Variants in PRSS23 observed in about 807,000 individuals in gnomAD.
The protein encoded by PRSS23 is serine protease 23, also known as protease, serine 23.
In PRSS23, 25 loss-of-function variants were observed where a neutral mutation model predicts 34.7. The ratio of observed to expected loss-of-function variants is 0.72; its 90% CI spans 0.53 to 1.01. The LOEUF (loss-of-function observed/expected upper bound fraction) is 1.01. Ranked by LOEUF, PRSS23 falls within the 50% of genes least tolerant of loss-of-function variation. PRSS23 has a pLI of 0.00. For missense variants in PRSS23, 445 were observed against 475.6 expected (o/e 0.94, Z 0.60); for synonymous variants, 176 against 186.6 (o/e 0.94, Z 0.46).
chr11:86,923,025 TATTTC>T (rs1032845950), intron 2 of PRSS23, among the ~76,000 whole-genome samples: 43 of 152,258 alleles, frequency 2.8e-4, no homozygotes, highest in African/African-American at 9.1e-4. Flanking sequence ...AAATGTAAAA[TATTTC>T]ATTATTAATT....
chr11:86,852,388 C>T (rs916956333), intron 2 of PRSS23, among the ~76,000 whole-genome samples: 1 of 152,140 alleles, frequency 6.6e-6, no homozygotes, highest in African/African-American at 2.4e-5. Flanking sequence ...TAAGGATTTC[C>T]TCATAATAAT....
chr11:86,936,319 G>A (rs1476597192), intron 2 of PRSS23: 1 of 152,216 alleles, frequency 6.6e-6, no homozygotes, highest in African/African-American at 2.4e-5. Context: ...CCAGGCTAGA[G>A]TGCAATGGCA....
At chr11:86,812,592 A>G (rs1948186431), downstream of PRSS23, among the ~76,000 whole-genome samples, 1 of 151,852 alleles carries the variant, frequency 6.6e-6, no homozygotes, top group Admixed American at 6.6e-5. Context: ...GCTCCAGACC[A>G]GCCCTGCTAA....
chr11:86,847,648 G>GA (rs1228226129), intron 2 of PRSS23, among the ~76,000 whole-genome samples: 1 of 152,132 alleles, frequency 6.6e-6, no homozygotes, highest in Non-Finnish European at 1.5e-5. Context: ...GATGTATCCT[G>GA]AATAACTGGG....
At chr11:86,904,152 G>T (rs2134986743) in intron 2 of PRSS23, among the ~76,000 whole-genome samples, 1 of 152,280 alleles carries the variant, frequency 6.6e-6, no homozygotes, top group South Asian at 2.1e-4. Flanking sequence ...CTGCAGAAAA[G>T]ACTTCTGTGC....
At chr11:86,827,177 T>A (rs1028743255) in intron 2 of PRSS23, among the ~76,000 whole-genome samples, 1 of 152,220 alleles carries the variant, frequency 6.6e-6, no homozygotes, top group Non-Finnish European at 1.5e-5. Context: ...CAGAGCCTGT[T>A]ATTGGTCTAT....
chr11:86,923,059 T>G (rs190899966), intron 2 of PRSS23, among the ~76,000 whole-genome samples: 12 of 152,280 alleles, frequency 7.9e-5, no homozygotes, highest in African/African-American at 2.2e-4. Context: ...CATTACATGT[T>G]AAAATGATAT....
At chr11:86,939,468 C>T (rs1044395512) in intron 2 of PRSS23, among the ~76,000 whole-genome samples, 2 of 116,966 alleles carry the variant, frequency 1.7e-5, no homozygotes, top group Admixed American at 9.6e-5. Flanking sequence ...CAGGACTTAG[C>T]TCTTGAATGG....
intron 2 of PRSS23, among the ~76,000 whole-genome samples, chr11:86,891,992 A>C (rs1401802531): frequency 6.6e-6 from 1 of 152,226 alleles, no homozygotes; most frequent in Non-Finnish European, 1.5e-5. Context: ...AGTCTCAAGC[A>C]GTTCTTTATA....
chr11:86,845,367 T>A (rs1381039008), intron 2 of PRSS23, among the ~76,000 whole-genome samples: 36 of 152,212 alleles, frequency 2.4e-4, no homozygotes, highest in Admixed American at 2.3e-3. Context: ...TTCAGTTGAA[T>A]TGTATGGAGA....
At chr11:86,896,495 T>G (rs1040680349) in intron 2 of PRSS23, 1 of 152,232 alleles carries the variant, frequency 6.6e-6, no homozygotes, top group African/African-American at 2.4e-5. Context: ...ACGTGTTTCA[T>G]ACAAGCTCTC....
At chr11:86,798,998 GTCTC>G (rs1490315492), upstream of PRSS23, among the ~76,000 whole-genome samples, 1 of 152,184 alleles carries the variant, frequency 6.6e-6, no homozygotes, top group African/African-American at 2.4e-5. Flanking sequence ...CCTGGCCTAT[GTCTC>G]TATATATTAA....
chr11:86,829,432 G>T (rs1948331936), intron 2 of PRSS23, among the ~76,000 whole-genome samples: 1 of 152,106 alleles, frequency 6.6e-6, no homozygotes, highest in South Asian at 2.1e-4. Flanking sequence ...CTTTGCCTTT[G>T]GTTTGAATTT....
chr11:86,793,261 C>CT (rs927114164), intron 1 of PRSS23, among the ~76,000 whole-genome samples: 10 of 152,082 alleles, frequency 6.6e-5, no homozygotes, highest in African/African-American at 2.2e-4. Context: ...ATTTAACTAC[C>CT]TTTTTTTACA....
At chr11:86,819,139 T>C (rs759582605) in intron 1 of PRSS23, among the ~76,000 whole-genome samples, 1 of 152,142 alleles carries the variant, frequency 6.6e-6, no homozygotes, top group Non-Finnish European at 1.5e-5. Flanking sequence ...CTTGGCTCCT[T>C]TTGGGTAGCT....
At chr11:86,879,802 C>T (rs1948759246) in intron 2 of PRSS23, among the ~76,000 whole-genome samples, 1 of 111,066 alleles carries the variant, frequency 9.0e-6, no homozygotes, top group Non-Finnish European at 1.9e-5. Context: ...CGGCCAGCCG[C>T]CCCGTCCGGG....
chr11:86,847,469 T>C (rs1172572082), intron 2 of PRSS23, among the ~76,000 whole-genome samples: 5 of 152,046 alleles, frequency 3.3e-5, no homozygotes, highest in African/African-American at 1.2e-4. Flanking sequence ...TTAAATCTGG[T>C]AGATGGAGAG....
intron 1 of PRSS23, among the ~76,000 whole-genome samples, chr11:86,818,935 A>G (rs1354367697): frequency 6.6e-6 from 1 of 152,052 alleles, no homozygotes; most frequent in Non-Finnish European, 1.5e-5. Flanking sequence ...AACTTTGCCA[A>G]CTCCTTACTT....
At chr11:86,859,263 G>A (rs61906686) in intron 2 of PRSS23, among the ~76,000 whole-genome samples, 1 of 56,956 alleles carries the variant, frequency 1.8e-5, no homozygotes, top group African/African-American at 9.2e-5. Context: ...TTTAGTTCAG[G>A]TGATATCTCA....
Sources: allele counts gnomAD v4.1 joint callset (sites outside exome capture counted in the v4.1 genomes callset), GRCh38; gene constraint gnomAD v4.1.1; transcripts MANE v1.5; gene names NCBI Gene and HGNC (gene_info 2026-07-23, HGNC 2026-07-21).